The following CDYL2 variants were observed in gnomAD, a reference collection of about 807,000 sequenced individuals.
The protein encoded by CDYL2 is chromodomain Y like 2.
CDYL2 carries 23 observed loss-of-function variants against 49.4 expected under a neutral mutation model. That is an observed-to-expected ratio of 0.47 (90% CI 0.34 to 0.66). The LOEUF (loss-of-function observed/expected upper bound fraction) is 0.66. Among genes scored for constraint, CDYL2 ranks in the 30% least tolerant of loss-of-function variants. CDYL2 has a pLI of 0.01. For synonymous variants in CDYL2, 360 were observed against 268.8 expected (o/e 1.34, Z -3.32); for missense variants, 678 against 656.4 (o/e 1.03, Z -0.36).
intron 2 of CDYL2, among the ~76,000 whole-genome samples, chr16:80,660,248 T>A: frequency 6.6e-6 from 1 of 152,200 alleles, no homozygotes; most frequent in Middle Eastern, 3.4e-3. Context: ...ATTTTTAAAA[T>A]TTTAGTAAAT....
At chr16:80,619,615 G>A (rs1411568728) in intron 4 of CDYL2, among the ~76,000 whole-genome samples, 3 of 152,340 alleles carry the variant, frequency 2.0e-5, no homozygotes, top group Admixed American at 6.5e-5. Flanking sequence ...AGTAGTGAGA[G>A]GGCATAGCTG....
chr16:80,774,932 G>C lies in CDYL2; in HGVS notation c.24+29218C>G, dbSNP rs550901125. 2.6e-5 allele frequency among the ~76,000 whole-genome samples: 4 copies of C among 151,526 alleles called. No individual in the cohort carries two copies. In the East Asian group the frequency reaches 7.7e-4, roughly 29 times the overall value. ...AAAAAAAATGCCTTATCACCAAGTAGGACTTACTCTAAGACACAGAAGGTT... is the reference window on the plus strand; with the variant it reads ...AAAAAAAATGCCTTATCACCAAGTACGACTTACTCTAAGACACAGAAGGTT... On this transcript the variant is annotated intron_variant, in intron 1 of 6. Coordinates refer to ENST00000570137, the MANE Select transcript of CDYL2 (RefSeq NM_152342.4).
intron 2 of CDYL2, chr16:80,662,822 A>G: frequency 2.2e-6 from 1 of 450,742 alleles, no homozygotes; most frequent in Non-Finnish European, 4.4e-6. Flanking sequence ...TACCTTCCAC[A>G]TCTTGACAAG....
At chr16:80,642,334 T>C (rs1057071672) in intron 2 of CDYL2, among the ~76,000 whole-genome samples, 1 of 152,066 alleles carries the variant, frequency 6.6e-6, no homozygotes, top group African/African-American at 2.4e-5. Context: ...TCCCAGCTAC[T>C]TGGGAGGCTG....
intron 1 of CDYL2, among the ~76,000 whole-genome samples, chr16:80,733,413 T>C (rs1006117753): frequency 2.0e-5 from 3 of 152,226 alleles, no homozygotes; most frequent in Non-Finnish European, 4.4e-5. Flanking sequence ...GGCTTTGCCC[T>C]ATACTAACAT....
At chr16:80,721,120 A>G (rs993252614) in intron 1 of CDYL2, among the ~76,000 whole-genome samples, 2 of 152,166 alleles carry the variant, frequency 1.3e-5, no homozygotes, top group South Asian at 4.1e-4. Context: ...TTCTTGACCA[A>G]AACAAGAAGT....
At chr16:80,657,203 T>A (rs1567558591) in intron 2 of CDYL2, among the ~76,000 whole-genome samples, 2 of 152,138 alleles carry the variant, frequency 1.3e-5, no homozygotes, top group Non-Finnish European at 2.9e-5. Flanking sequence ...CATGAAACAA[T>A]TTGACAAGGA....
rs763194077 is a variant in CDYL2 at position 80,712,215 on chromosome 16, A to ATATATATATATATATATG, written c.25-27087_25-27086insCATATATATATATATATA. Among the ~76,000 whole-genome samples the ATATATATATATATATATG allele has an allele frequency of 3.5e-3, 449 of 128,318 alleles. 4 individuals are homozygous for ATATATATATATATATATG. Among genetic ancestry groups the ATATATATATATATATATG allele is most frequent in the Non-Finnish European group, 5.3e-3 (301 of 56,940 alleles). 84.2% of individuals were successfully genotyped at this position (128,318 alleles called of 152,430 possible). ...TGTATATATATATATATATATATAT[A>ATATATATATATATATATG]TCTCCAAACCACTGCTCACTGTGAT... On this transcript the variant is annotated intron_variant, in intron 1 of 6. Transcript: ENST00000570137.
At chr16:80,697,864 G>C (rs991261742) in intron 1 of CDYL2, among the ~76,000 whole-genome samples, 2 of 151,656 alleles carry the variant, frequency 1.3e-5, no homozygotes, top group South Asian at 2.1e-4. Flanking sequence ...TCTCTACAAT[G>C]GAAAGAATAA....
chr16:80,762,785 C>T (rs1906576694), intron 1 of CDYL2, among the ~76,000 whole-genome samples: 1 of 152,098 alleles, frequency 6.6e-6, no homozygotes, highest in South Asian at 2.1e-4. Flanking sequence ...CTTGTTTGAG[C>T]TCTCATAGGG....
At chr16:80,615,425 G>T (rs1488306771) in intron 4 of CDYL2, among the ~76,000 whole-genome samples, 2 of 152,122 alleles carry the variant, frequency 1.3e-5, no homozygotes, top group Non-Finnish European at 1.5e-5. Flanking sequence ...AAGGACTTTA[G>T]GACTCATGGG....
chr16:80,681,696 A>C (rs1475837984), intron 2 of CDYL2, among the ~76,000 whole-genome samples: 1 of 152,210 alleles, frequency 6.6e-6, no homozygotes, highest in African/African-American at 2.4e-5. Context: ...AGAAGACGTC[A>C]TTGTGGGTAT....
intron 2 of CDYL2, among the ~76,000 whole-genome samples, chr16:80,647,120 AAAATT>A (rs1908384980): frequency 6.6e-6 from 1 of 152,218 alleles, no homozygotes; most frequent in African/African-American, 2.4e-5. Flanking sequence ...AGCCACAAAT[AAAATT>A]AAATACCTAG....
intron 2 of CDYL2, among the ~76,000 whole-genome samples, chr16:80,653,288 A>G (rs1908664965): frequency 6.6e-6 from 1 of 152,186 alleles, no homozygotes; most frequent in African/African-American, 2.4e-5. Flanking sequence ...CAACATGGAG[A>G]TATTCTATCT....
intron 4 of CDYL2, among the ~76,000 whole-genome samples, chr16:80,616,056 C>T (rs990711724): frequency 6.6e-6 from 1 of 152,232 alleles, no homozygotes; most frequent in African/African-American, 2.4e-5. Context: ...GCTTCCTCTG[C>T]TCTACCCGAC....
intron 1 of CDYL2, among the ~76,000 whole-genome samples, chr16:80,797,560 C>CT (rs985703770): frequency 7.9e-5 from 12 of 151,476 alleles, no homozygotes; most frequent in African/African-American, 1.2e-4. Flanking sequence ...CTATCCTTAC[C>CT]TTTTTTTTTC....
intron 1 of CDYL2, among the ~76,000 whole-genome samples, chr16:80,708,997 T>C (rs1450157836): frequency 1.3e-5 from 2 of 152,224 alleles, no homozygotes; most frequent in East Asian, 1.9e-4. Context: ...GCAGAGCTCC[T>C]GTTTGCAAAT....
intron 2 of CDYL2, among the ~76,000 whole-genome samples, chr16:80,676,882 G>C (rs1909765898): frequency 6.6e-6 from 1 of 151,120 alleles, no homozygotes; most frequent in African/African-American, 2.4e-5. Flanking sequence ...AGAACGTTTA[G>C]ATTTGCCTGC....
At chr16:80,721,948 A>AC (rs938423329) in intron 1 of CDYL2, among the ~76,000 whole-genome samples, 33 of 152,136 alleles carry the variant, frequency 2.2e-4, no homozygotes, top group Admixed American at 2.0e-3. Flanking sequence ...CCTAGCCACT[A>AC]CCCAGTTCTG....
Sources: gnomAD v4.1 joint callset for allele counts (sites outside exome capture counted in the v4.1 genomes callset) on GRCh38, gnomAD v4.1.1 for gene constraint, MANE v1.5 for transcripts, NCBI Gene and HGNC (gene_info 2026-07-23, HGNC 2026-07-21) for gene names.